The following ZMYND11 variants were observed in gnomAD, a reference collection of about 807,000 sequenced individuals.
ZMYND11 encodes zinc finger MYND domain-containing protein 11.
ZMYND11 carries 9 observed loss-of-function variants against 84.9 expected under a neutral mutation model. The observed-to-expected ratio is 0.11, with a 90% CI of 0.06 to 0.18. ZMYND11 has a LOEUF of 0.18. ZMYND11 is among the 10% of genes least tolerant of loss of function. ZMYND11 has a pLI of 1.00. For synonymous variants in ZMYND11, 250 were observed against 244.1 expected (o/e 1.02, Z -0.23); for missense variants, 409 against 761.0 (o/e 0.54, Z 5.44).
intron 1 of ZMYND11, among the ~76,000 whole-genome samples, chr10:166,225 A>G (rs1194501451): frequency 6.6e-6 from 1 of 152,194 alleles, no homozygotes; most frequent in Non-Finnish European, 1.5e-5. Flanking sequence ...AGCATGAGCA[A>G]CAAAAGAAAA....
At chr10:202,722 T>A (rs1943444452) in intron 2 of ZMYND11, among the ~76,000 whole-genome samples, 1 of 152,204 alleles carries the variant, frequency 6.6e-6, no homozygotes, top group Non-Finnish European at 1.5e-5. Flanking sequence ...GGCATACATC[T>A]TTTTTAGTCC....
chr10:233,360 T>A (rs927886705), intron 4 of ZMYND11, among the ~76,000 whole-genome samples: 2 of 152,136 alleles, frequency 1.3e-5, no homozygotes, highest in African/African-American at 4.8e-5. Context: ...AGATCCCCAC[T>A]CCCACGCCCT....
At chr10:169,378 G>A (rs1031485988) in intron 1 of ZMYND11, among the ~76,000 whole-genome samples, 2 of 152,004 alleles carry the variant, frequency 1.3e-5, no homozygotes, top group Non-Finnish European at 2.9e-5. Context: ...AGTACATAAC[G>A]TTGACCTTTC....
intron 4 of ZMYND11, among the ~76,000 whole-genome samples, chr10:230,297 ACT>A (rs747404649): frequency 6.6e-6 from 1 of 151,762 alleles, no homozygotes; most frequent in East Asian, 1.9e-4. Flanking sequence ...ATATGGTGAA[ACT>A]CTGTCTCTAC....
intron 4 of ZMYND11, among the ~76,000 whole-genome samples, chr10:221,654 AC>A (rs928867527): frequency 2.6e-5 from 4 of 152,176 alleles, no homozygotes; most frequent in African/African-American, 9.7e-5. Flanking sequence ...GAAATACGAA[AC>A]CTACTAACAT....
At chr10:188,204 T>C (rs1381278827) in intron 2 of ZMYND11, among the ~76,000 whole-genome samples, 1 of 152,186 alleles carries the variant, frequency 6.6e-6, no homozygotes, top group African/African-American at 2.4e-5. Flanking sequence ...GCCCTCGTTT[T>C]ACACATTATA....
rs535876587 is a variant in ZMYND11 at position 233,627 on chromosome 10, C to G, written c.439-3211C>G. ...TCAGAGTTGAGAAGATGGGGTGGGC[C>G]CTACCCAGATGACCTTGTTTCCTTT... On this transcript the variant is annotated intron_variant, in intron 4 of 14. Coordinates refer to ENST00000381604, the MANE Select transcript of ZMYND11 (RefSeq NM_001370100.5). Among the ~76,000 whole-genome samples, 17 of 152,146 alleles carry G rather than the reference C, an allele frequency of 1.1e-4. No individual in the cohort carries two copies. In the East Asian group the frequency reaches 3.3e-3, roughly 29 times the overall value.
intron 2 of ZMYND11, among the ~76,000 whole-genome samples, chr10:185,676 T>A (rs879378456): frequency 6.6e-6 from 1 of 151,188 alleles, no homozygotes; most frequent in Non-Finnish European, 1.5e-5. Context: ...TTAGCTGGGC[T>A]TGGTGGCAGG....
chr10:201,585 TACAC>T lies in ZMYND11; in HGVS notation c.117-8286_117-8283del, dbSNP rs56058145. Among the ~76,000 whole-genome samples, 458 of 146,164 alleles carry T rather than the reference TACAC, an allele frequency of 3.1e-3. 1 individual carries two copies. The highest frequency in any genetic ancestry group is 0.031 in the Middle Eastern group (9 of 288). On this transcript the variant is annotated intron_variant, in intron 2 of 14. Coordinates refer to ENST00000381604, the MANE Select transcript of ZMYND11 (RefSeq NM_001370100.5). ...ATAATCAGTGGCTGTTACCATGAAA[TACAC>T]ACACACACACACACACATTATATAT... is the stretch of plus-strand genomic sequence containing the variant.
At chr10:145,158 G>A (rs1247638681) in intron 1 of ZMYND11, among the ~76,000 whole-genome samples, 5 of 150,310 alleles carry the variant, frequency 3.3e-5, no homozygotes, top group Admixed American at 1.3e-4. Context: ...ATATATATAT[G>A]TGTGTGTATA....
At chr10:223,574 A>G (rs1305480869) in intron 4 of ZMYND11, among the ~76,000 whole-genome samples, 1 of 152,152 alleles carries the variant, frequency 6.6e-6, no homozygotes, top group Non-Finnish European at 1.5e-5. Context: ...ACTCCCTGCT[A>G]AGGCTCAAAA....
At chr10:152,733 C>T (rs1015935419) in intron 1 of ZMYND11, among the ~76,000 whole-genome samples, 2 of 152,208 alleles carry the variant, frequency 1.3e-5, no homozygotes, top group East Asian at 1.9e-4. Context: ...CTACAGAACT[C>T]TCCACCCCAA....
intron 1 of ZMYND11, chr10:148,477 A>G (rs910706033): frequency 1.0e-4 from 16 of 152,408 alleles, no homozygotes; most frequent in Admixed American, 7.2e-4. Flanking sequence ...CTTGAGGTGT[A>G]AGACTCACTG....
chr10:151,712 G>C (rs1464540746), intron 1 of ZMYND11, among the ~76,000 whole-genome samples: 1 of 152,054 alleles, frequency 6.6e-6, no homozygotes, highest in Non-Finnish European at 1.5e-5. Flanking sequence ...GAAATACAGA[G>C]AATGCCACAA....
In ZMYND11 at chr10:180,064, C is replaced by G; in HGVS notation, c.52C>G (p.Leu18Val). 1 of 1,613,820 alleles carries G rather than the reference C, an allele frequency of 6.2e-7. No homozygotes were observed. Among genetic ancestry groups the G allele is most frequent in the Non-Finnish European group, 8.5e-7 (1 of 1,179,796 alleles). The change falls in exon 2 of 15, where the codon CTT (leucine) becomes GTT (valine). Residue 18 changes from leucine (L) to valine (V), a missense_variant. By Grantham distance (32) the Leu-to-Val change is conservative. This residue lies in a region of ZMYND11 where 73 missense variants were observed against 185.8 expected (regional missense o/e 0.39). Coordinates refer to ENST00000381604, the MANE Select transcript of ZMYND11 (RefSeq NM_001370100.5). The stretch of plus-strand genomic sequence containing the variant: ...GGCGGATACAAAAGCTATCCAGCAT[C>G]TTTGGGCAGCCATTGAGATTATACG... ...RQADTKAIQH[L>V]WAAIEIIRNQ...
chr10:193,775 G>A (rs1389862862), intron 2 of ZMYND11, among the ~76,000 whole-genome samples: 1 of 152,004 alleles, frequency 6.6e-6, no homozygotes, highest in African/African-American at 2.4e-5. Context: ...ATTTGCCTAC[G>A]GTCACTGTGA....
At chr10:168,168 C>T (rs1554764511) in intron 1 of ZMYND11, among the ~76,000 whole-genome samples, 1 of 151,878 alleles carries the variant, frequency 6.6e-6, no homozygotes, top group East Asian at 1.9e-4. Context: ...ACTACATATG[C>T]AATAATTGTA....
chr10:144,184 T>A (rs1838160735), intron 1 of ZMYND11, among the ~76,000 whole-genome samples: 1 of 152,190 alleles, frequency 6.6e-6, no homozygotes, highest in Admixed American at 6.5e-5. Context: ...AAAAATTTAC[T>A]ATCATTGCAG....
intron 2 of ZMYND11, 105 bp downstream of exon 2, chr10:180,233 A>C (rs1229671806): frequency 1.4e-6 from 1 of 731,524 alleles, no homozygotes; most frequent in Admixed American, 3.0e-5. Context: ...TATATTACAA[A>C]GAACTGAAGA....
Sources: gnomAD v4.1 joint callset for allele counts (sites outside exome capture counted in the v4.1 genomes callset) on GRCh38, gnomAD v4.1.1 for gene constraint, gnomAD v4.1.1 regional missense constraint, MANE v1.5 for transcripts, NCBI Gene and HGNC (gene_info 2026-07-23, HGNC 2026-07-21) for gene names.